Variants in RPTOR observed in about 807,000 individuals in gnomAD.
RPTOR encodes regulatory-associated protein of mTOR.
In RPTOR, 21 loss-of-function variants were observed where a neutral mutation model predicts 169.9. The ratio of observed to expected loss-of-function variants is 0.12; its 90% CI spans 0.09 to 0.18. RPTOR has a LOEUF of 0.18. RPTOR is among the 10% of genes least tolerant of loss of function. RPTOR has a pLI of 1.00. For missense variants in RPTOR, 1,133 were observed against 1,855.9 expected, an observed-to-expected ratio of 0.61 and a Z score of 7.16; for synonymous variants, 732 against 753.2, an observed-to-expected ratio of 0.97 and a Z score of 0.46.
chr17:80,798,372 C>G (rs2067121787), intron 7 of RPTOR, among the ~76,000 whole-genome samples: 1 of 152,202 alleles, frequency 6.6e-6, no homozygotes, highest in African/African-American at 2.4e-5. Flanking sequence ...CACGCCACCT[C>G]CCAGGGAGGC....
chr17:80,640,249 G>A (rs1333081983), intron 2 of RPTOR, among the ~76,000 whole-genome samples: 1 of 152,142 alleles, frequency 6.6e-6, no homozygotes, highest in Non-Finnish European at 1.5e-5. Context: ...GAAGAGAAAT[G>A]TTTTATAAGA....
At chr17:80,699,054 G>C (rs992849635) in intron 3 of RPTOR, among the ~76,000 whole-genome samples, 6 of 152,346 alleles carry the variant, frequency 3.9e-5, no homozygotes, top group Non-Finnish European at 8.8e-5. Context: ...GCTAAGGAAA[G>C]TGGGTGTTGG....
chr17:80,691,556 C>T (rs534939083), intron 3 of RPTOR, among the ~76,000 whole-genome samples: 79 of 152,324 alleles, frequency 5.2e-4, no homozygotes, highest in African/African-American at 1.8e-3. Context: ...CCGATGTCCA[C>T]GTCGTTCCAT....
At position 80,602,380 on chromosome 17, in the gene RPTOR, C is replaced by A. The variant is rs1301650281; in HGVS notation, c.163-23311C>A. Among the ~76,000 whole-genome samples the A allele has an allele frequency of 3.2e-5, 3 of 94,116 alleles. 1 individual carries two copies. The highest frequency in any genetic ancestry group is 1.6e-4 in the African/African-American group (3 of 19,026). The allele number at this position is 94,116 out of a possible 152,430, so 61.7% of individuals were successfully genotyped here. A position where few individuals can be genotyped will look rare whatever the true frequency, so the allele number is the denominator to read the frequency against. On this transcript the variant is annotated intron_variant, in intron 1 of 33. Coordinates refer to ENST00000306801, the MANE Select transcript of RPTOR (RefSeq NM_020761.3). ...GCTGGCTGGGCAGGGGGGCTGACCC[C>A]CCCACCTCCCTCCCGGACGGGGCGG...
intron 24 of RPTOR, among the ~76,000 whole-genome samples, chr17:80,933,336 C>T (rs1223764158): frequency 1.3e-5 from 2 of 152,172 alleles, no homozygotes; most frequent in East Asian, 3.8e-4. Flanking sequence ...ATCCCCTACA[C>T]TAGTAATGAA....
At chr17:80,866,205 A>G (rs181755187) in intron 13 of RPTOR, among the ~76,000 whole-genome samples, 1 of 149,590 alleles carries the variant, frequency 6.7e-6, no homozygotes, top group Admixed American at 6.7e-5. Flanking sequence ...TGTACATATA[A>G]TTATAAATAC....
intron 11 of RPTOR, among the ~76,000 whole-genome samples, chr17:80,853,806 G>A (rs187164544): frequency 3.7e-4 from 56 of 152,208 alleles, no homozygotes; most frequent in Admixed American, 1.4e-3. Flanking sequence ...GTGAAACCCC[G>A]TCTCTACTAA....
chr17:80,627,921 C>T (rs1401360117), intron 2 of RPTOR, among the ~76,000 whole-genome samples: 1 of 152,020 alleles, frequency 6.6e-6, no homozygotes, highest in Admixed American at 6.5e-5. Flanking sequence ...TCACCACAAC[C>T]TCTGCCTCCC....
intron 7 of RPTOR, among the ~76,000 whole-genome samples, chr17:80,807,804 G>C (rs2067234544): frequency 6.6e-6 from 1 of 151,768 alleles, no homozygotes; most frequent in Non-Finnish European, 1.5e-5. Context: ...TCCATTAACT[G>C]CCAGATAGTA....
chr17:80,665,256 G>T (rs2065754623), intron 3 of RPTOR, among the ~76,000 whole-genome samples: 1 of 151,846 alleles, frequency 6.6e-6, no homozygotes, highest in Admixed American at 6.6e-5. Flanking sequence ...GGAGGCATGG[G>T]AGCCCCTCAT....
chr17:80,602,002 A>G (rs1369082755), intron 1 of RPTOR, among the ~76,000 whole-genome samples: 1 of 28,618 alleles, frequency 3.5e-5, no homozygotes, highest in Non-Finnish European at 7.3e-5. Context: ...CCGATTTCTC[A>G]ATCTTTTCCC....
At chr17:80,645,502 A>G (rs2065587947) in intron 3 of RPTOR, among the ~76,000 whole-genome samples, 1 of 152,254 alleles carries the variant, frequency 6.6e-6, no homozygotes, top group Admixed American at 6.5e-5. Flanking sequence ...CTTTCAGAAT[A>G]CATGTGTTTA....
chr17:80,856,376 T>C (rs915261279), intron 12 of RPTOR, among the ~76,000 whole-genome samples: 1 of 152,258 alleles, frequency 6.6e-6, no homozygotes, highest in Non-Finnish European at 1.5e-5. Context: ...CTTAATTTAC[T>C]GTGCTTGGGA....
At chr17:80,787,568 A>G (rs531579379) in intron 6 of RPTOR, among the ~76,000 whole-genome samples, 32 of 152,318 alleles carry the variant, frequency 2.1e-4, no homozygotes, top group South Asian at 1.9e-3. Context: ...AGTGTATAGG[A>G]ACATTCAGTT....
chr17:80,676,490 C>G (rs1460990201), intron 3 of RPTOR, among the ~76,000 whole-genome samples: 1 of 152,150 alleles, frequency 6.6e-6, no homozygotes, highest in African/African-American at 2.4e-5. Flanking sequence ...TGTGGGTCGT[C>G]TTGGAATTGA....
At chr17:80,864,412 A>G (rs1013604330) in intron 13 of RPTOR, among the ~76,000 whole-genome samples, 37 of 150,068 alleles carry the variant, frequency 2.5e-4, no homozygotes, top group African/African-American at 8.8e-4. Flanking sequence ...TACAGATGGA[A>G]AAGGTGAGCG....
chr17:80,962,661 C>G (rs1304548884), intron 32 of RPTOR, 84 bp downstream of exon 32: 20 of 1,305,552 alleles, frequency 1.5e-5, no homozygotes, highest in Non-Finnish European at 2.2e-5. Context: ...GTTCCTGCCC[C>G]CAGGAGCTGA....
chr17:80,643,853 A>T, intron 3 of RPTOR, 43 bp downstream of exon 3: 1 of 1,458,270 alleles, frequency 6.9e-7, no homozygotes, highest in Non-Finnish European at 9.6e-7. Context: ...TCTTACAGGG[A>T]AACTCCAGTT....
At chr17:80,564,939 A>G (rs1220203258) in intron 1 of RPTOR, among the ~76,000 whole-genome samples, 1 of 152,184 alleles carries the variant, frequency 6.6e-6, no homozygotes, top group Non-Finnish European at 1.5e-5. Context: ...GTGGCTGCAT[A>G]GTATTCCATA....
Sources: gnomAD v4.1 joint callset for allele counts (sites outside exome capture counted in the v4.1 genomes callset) on GRCh38, gnomAD v4.1.1 for gene constraint, MANE v1.5 for transcripts, NCBI Gene and HGNC (gene_info 2026-07-23, HGNC 2026-07-21) for gene names.